The following USH1C variants were observed in gnomAD, a reference collection of about 807,000 sequenced individuals.
The protein encoded by USH1C is USH1 protein network component harmonin.
In USH1C, 90 loss-of-function variants were observed where a neutral mutation model predicts 119.3. The ratio of observed to expected loss-of-function variants is 0.75; its 90% CI spans 0.64 to 0.90. USH1C has a LOEUF of 0.90. USH1C is among the 40% of genes least tolerant of loss of function. The pLI, the probability that USH1C is intolerant of heterozygous loss-of-function variation, is 0.00. For missense variants in USH1C, 1,165 were observed against 1,167.7 expected, an observed-to-expected ratio of 1.00 and a Z score of 0.03; for synonymous variants, 465 against 443.3, an observed-to-expected ratio of 1.05 and a Z score of -0.62.
rs776577854 is a variant in USH1C, at chr11:17,517,535, C to T, written c.1211-1245G>A. On this transcript the variant is annotated intron_variant, in intron 14 of 26. Transcript: ENST00000005226. ...AAAGGGACTTGGGAGCCCAAGAGGC[C>T]GGAGAACCTTCTCAGGAGTTTGGGG... 6.9e-5 allele frequency: 105 copies of T among 1,512,068 alleles called. 2 individuals are homozygous for T. Among genetic ancestry groups the T allele is most frequent in the South Asian group, 5.2e-4 (43 of 83,358 alleles). 93.7% of individuals were successfully genotyped at this position (1,512,068 alleles called of 1,614,324 possible). A position where few individuals can be genotyped will look rare whatever the true frequency, so the allele number is the denominator to read the frequency against.
chr11:17,522,539 C>G (rs910065719), intron 12 of USH1C, among the ~76,000 whole-genome samples: 3 of 152,208 alleles, frequency 2.0e-5, no homozygotes, highest in Non-Finnish European at 4.4e-5. Context: ...TAGTAGGATG[C>G]TTATTTTCCA....
chr11:17,524,654 G>T, intron 8 of USH1C, 119 bp from the exon 9 acceptor site: 1 of 1,126,906 alleles, frequency 8.9e-7, no homozygotes, highest in Non-Finnish European at 1.3e-6. Context: ...TTCAGCCTCT[G>T]TGTCCCTCTC....
rs557522552 is a variant in USH1C, at chr11:17,496,998, C to T, written c.2491-185G>A. The T allele has an allele frequency of 6.7e-5, 41 of 612,584 alleles. No individual in the cohort carries two copies. In the South Asian group the frequency reaches 6.9e-4, roughly 10 times the overall value. 37.9% of individuals were successfully genotyped at this position (612,584 alleles called of 1,614,324 possible). A position where few individuals can be genotyped will look rare whatever the true frequency, so the allele number is the denominator to read the frequency against. ...AGGACGTTTCTAGTCTCTGAGGCTT[C>T]GGGACCATAGAGGACAGGGCTGCAA... On this transcript the variant is annotated intron_variant, in intron 24 of 26. Coordinates refer to ENST00000005226, the MANE Select transcript of USH1C (RefSeq NM_153676.4).
chr11:17,502,047 G>A, intron 20 of USH1C, 67 bp from the exon 21 acceptor site: 1 of 1,539,366 alleles, frequency 6.5e-7, no homozygotes, highest in Non-Finnish European at 8.9e-7. Flanking sequence ...CCGAGGAGTA[G>A]GGGGATGAAT....
chr11:17,494,337 G>T lies in USH1C; in HGVS notation c.2695C>A (p.Arg899Ser). The change falls in exon 27 of 27, where the codon CGT (arginine) becomes AGT (serine). Residue 899 changes from arginine to serine, a missense_variant. Physicochemically the swap from Arg to Ser is moderately radical, Grantham distance 110 (BLOSUM62 -1). Coordinates refer to ENST00000005226, the MANE Select transcript of USH1C (RefSeq NM_153676.4). ...LKSKRGNQIH[R>S] ...GGGCCGGAGCTCACTGTTTCCTAACGGTGAATTTGGTTTCCCCTTTTGGAC... is the reference window on the plus strand; with the variant it reads ...GGGCCGGAGCTCACTGTTTCCTAACTGTGAATTTGGTTTCCCCTTTTGGAC... 1 of 1,607,680 alleles carries T rather than the reference G, an allele frequency of 6.2e-7. No homozygotes were observed. The highest frequency in any genetic ancestry group is 8.5e-7 in the Non-Finnish European group (1 of 1,176,984).
Position 17,504,715 on chromosome 11 carries a change from A to G in USH1C, c.2134-18T>C, listed in dbSNP as rs747358137. On this transcript the variant is annotated intron_variant, in intron 19 of 26. Coordinates refer to ENST00000005226, the MANE Select transcript of USH1C (RefSeq NM_153676.4). Reference sequence around the variant, plus strand: ...TCCTGTGGCTGCCAGAGGAAAAAAAAAAAAGTTCCACATTGGATGTTACCA... The same window carrying G: ...TCCTGTGGCTGCCAGAGGAAAAAAAGAAAAGTTCCACATTGGATGTTACCA... The G allele has an allele frequency of 1.2e-6, 2 of 1,613,772 alleles. No homozygotes were observed. The highest frequency in any genetic ancestry group is 8.5e-7 in the Non-Finnish European group (1 of 1,179,974).
chr11:17,517,382 G>A (rs1434650336), intron 14 of USH1C: 1 of 1,567,790 alleles, frequency 6.4e-7, no homozygotes, highest in East Asian at 2.4e-5. Context: ...AGGCCAGGGA[G>A]CAAAGCGGGG....
At chr11:17,516,091 C>T (rs1414856857) in intron 15 of USH1C, 150 bp downstream of exon 15, 7 of 892,756 alleles carry the variant, frequency 7.8e-6, no homozygotes, top group African/African-American at 6.6e-5. Flanking sequence ...TTGATGTCAG[C>T]CTGACACAAA....
In USH1C at chr11:17,533,262, A is replaced by G; in HGVS notation, c.97T>C (p.Tyr33His). The G allele has an allele frequency of 6.2e-7, 1 of 1,613,782 alleles. No homozygotes were observed. The highest frequency in any genetic ancestry group is 8.5e-7 in the Non-Finnish European group (1 of 1,179,696). ...TGGACCCAGCACACTTACTGGTGGT[A>G]CATTCGCAGCACATCATAGAGATAG... ...KDYLYDVLRM[Y>H]HQTMDVAVLV... The change falls in exon 2 of 27, where the codon TAC becomes CAC. Residue 33 changes from tyrosine (Y) to histidine (H), a missense_variant. Physicochemically the swap from Tyr to His is moderately conservative, Grantham distance 83 (BLOSUM62 2). Transcript: ENST00000005226.
chr11:17,525,696 GA>G (rs1359970414), intron 8 of USH1C, among the ~76,000 whole-genome samples: 1 of 152,198 alleles, frequency 6.6e-6, no homozygotes, highest in Non-Finnish European at 1.5e-5. Flanking sequence ...GCCTCTTAAG[GA>G]AGCCAACAAG....
rs541568621 is a variant in USH1C at position 17,498,110 on chromosome 11, G to A, written c.2490+52C>T. On this transcript the variant is annotated intron_variant, in intron 24 of 26. Transcript: ENST00000005226. ...TGTGAGACCTGGCTGCAGAGGCCAG[G>A]GTTTGAGGCAGGCAGGTGAGGGAGG... The A allele has an allele frequency of 3.7e-5, 58 of 1,552,720 alleles. No individual in the cohort carries two copies. In the African/African-American group the frequency reaches 7.7e-4, roughly 21 times the overall value.
intron 4 of USH1C, among the ~76,000 whole-genome samples, chr11:17,530,897 G>A (rs575690631): frequency 1.3e-5 from 2 of 152,280 alleles, no homozygotes; most frequent in African/African-American, 2.4e-5. Flanking sequence ...GAAGTGCAGC[G>A]GCAGCAGCTG....
chr11:17,507,358 C>A (rs1210598352), intron 18 of USH1C, among the ~76,000 whole-genome samples: 1 of 152,190 alleles, frequency 6.6e-6, no homozygotes, highest in Non-Finnish European at 1.5e-5. Context: ...GGGCTTTTAA[C>A]CTTCCCTGGG....
In USH1C at chr11:17,494,245, G is replaced by C. The variant is rs1434041643; in HGVS notation, c.*87C>G. ...CTGGGTGATAGATTCAGGTCCCAAG[G>C]ATGCCATCTGGTGTGTGTAGTGTGG... On this transcript the variant is annotated 3_prime_UTR_variant, in exon 27 of 27. Coordinates refer to ENST00000005226, the MANE Select transcript of USH1C (RefSeq NM_153676.4). 6.8e-7 allele frequency: 1 copy of C among 1,471,018 alleles called. No individual in the cohort carries two copies. Among genetic ancestry groups the C allele is most frequent in the Admixed American group, 1.9e-5 (1 of 51,726 alleles). The allele number at this position is 1,471,018 out of a possible 1,614,324, so 91.1% of individuals were successfully genotyped here. A position where few individuals can be genotyped will look rare whatever the true frequency, so the allele number is the denominator to read the frequency against.
chr11:17,504,719 A>C, intron 19 of USH1C, 22 bp from the exon 20 acceptor site: 1 of 1,609,482 alleles, frequency 6.2e-7, no homozygotes, highest in South Asian at 1.1e-5. Context: ...AAAAAAAAAA[A>C]GTTCCACATT....
chr11:17,501,810 T>A, intron 21 of USH1C, 129 bp downstream of exon 21: 2 of 1,114,778 alleles, frequency 1.8e-6, no homozygotes, highest in Non-Finnish European at 2.7e-6. Flanking sequence ...GGGGCATCAC[T>A]GGGGCTCCTC....
chr11:17,516,284 C>G lies in USH1C; in HGVS notation c.1217G>C (p.Gly406Ala). 1 of 1,613,142 alleles carries G rather than the reference C, an allele frequency of 6.2e-7. No homozygotes were observed. Among genetic ancestry groups the G allele is most frequent in the Admixed American group, 1.7e-5 (1 of 59,888 alleles). ...TTTGCCATCGTAACGATAAAACCAT[C>G]CAAAAGCTATAAGACACAGATAACA... ...PVPLRKPKSF[G>A]WFYRYDGKFP... is the part of the protein sequence containing the mutation. The change falls in exon 15 of 27, where the codon GGA becomes GCA. Residue 406 changes from glycine to alanine, a missense_variant. By Grantham distance (60) the Gly-to-Ala change is moderately conservative. Transcript: ENST00000005226.
chr11:17,501,661 C>T lies in USH1C; in HGVS notation c.2227-126G>A, dbSNP rs1035142576. The T allele has an allele frequency of 8.6e-6, 10 of 1,159,196 alleles. No homozygotes were observed. The Admixed American group carries it at 9.9e-5, about 11-fold the overall frequency. The allele number at this position is 1,159,196 out of a possible 1,614,324, so 71.8% of individuals were successfully genotyped here. On this transcript the variant is annotated intron_variant, in intron 21 of 26. Coordinates refer to ENST00000005226, the MANE Select transcript of USH1C (RefSeq NM_153676.4). The stretch of plus-strand genomic sequence containing the variant: ...CCACAGAGCACATGGGCAAGGGGAC[C>T]GTGCCCAGCCCCACCCCTACTGGTC...
At chr11:17,518,031 G>T (rs1850233725) in intron 14 of USH1C, among the ~76,000 whole-genome samples, 1 of 152,216 alleles carries the variant, frequency 6.6e-6, no homozygotes. Context: ...GGAGAGAAGA[G>T]CAAACCCTCC....
Sources: gnomAD v4.1 joint callset for allele counts (sites outside exome capture counted in the v4.1 genomes callset) on GRCh38, gnomAD v4.1.1 for gene constraint, MANE v1.5 for transcripts, NCBI Gene and HGNC (gene_info 2026-07-23, HGNC 2026-07-21) for gene names.